Variants in SHISA9 observed in about 807,000 individuals in gnomAD.
The protein encoded by SHISA9 is shisa family member 9, also known as protein shisa-9.
A neutral mutation model predicts 38.0 loss-of-function variants in SHISA9; 13 were observed. That is an observed-to-expected ratio of 0.34 (90% CI 0.22 to 0.54). The LOEUF is 0.54. SHISA9 is among the 20% of genes least tolerant of loss of function. SHISA9 has a pLI of 0.91. For missense variants in SHISA9, 538 were observed against 575.8 expected, an observed-to-expected ratio of 0.93 and a Z score of 0.67; for synonymous variants, 275 against 242.0, an observed-to-expected ratio of 1.14 and a Z score of -1.27.
the SHISA9 span, among the ~76,000 whole-genome samples, chr16:13,552,952 G>A: frequency 4.9e-3 from 743 of 152,232 alleles, 10 homozygotes; most frequent in African/African-American, 0.017. Context: ...TCTTGGGCCA[G>A]ATAATCGTTT....
chr16:12,952,935 A>T (rs1268961565), intron 2 of SHISA9, among the ~76,000 whole-genome samples: 1 of 152,128 alleles, frequency 6.6e-6, no homozygotes, highest in Admixed American at 6.5e-5. Flanking sequence ...CTATGTACTG[A>T]GTGTGTTTTA....
At chr16:12,941,535 T>C (rs1348566238) in intron 2 of SHISA9, among the ~76,000 whole-genome samples, 1 of 152,176 alleles carries the variant, frequency 6.6e-6, no homozygotes, top group East Asian at 1.9e-4. Context: ...ACAATCCAAT[T>C]ATACTCCTTC....
chr16:13,220,635 A>G (rs947883265), intron 4 of SHISA9, among the ~76,000 whole-genome samples: 2 of 152,162 alleles, frequency 1.3e-5, no homozygotes, highest in African/African-American at 4.8e-5. Context: ...TGGGAGGATG[A>G]TTGGAAGACA....
chr16:13,431,100 C>T, the SHISA9 span, among the ~76,000 whole-genome samples: 1 of 152,158 alleles, frequency 6.6e-6, no homozygotes, highest in Non-Finnish European at 1.5e-5. Flanking sequence ...AGACCCATCT[C>T]AGATTACCCT....
At chr16:13,144,773 T>C (rs1282865474) in intron 2 of SHISA9, among the ~76,000 whole-genome samples, 1 of 152,136 alleles carries the variant, frequency 6.6e-6, no homozygotes, top group African/African-American at 2.4e-5. Flanking sequence ...AAGCCGCCAC[T>C]AAGTGGATTT....
chr16:13,164,310 C>G (rs1057210625), intron 2 of SHISA9, among the ~76,000 whole-genome samples: 1 of 151,962 alleles, frequency 6.6e-6, no homozygotes, highest in African/African-American at 2.4e-5. Context: ...AAGTGGTAAA[C>G]CAACCTTGGA....
intron 2 of SHISA9, among the ~76,000 whole-genome samples, chr16:12,963,017 C>T (rs1567354146): frequency 6.6e-6 from 1 of 152,326 alleles, no homozygotes; most frequent in East Asian, 1.9e-4. Context: ...CTGCCAAGCC[C>T]AGTCCTCCAG....
At chr16:13,229,398 G>T (rs2051309703) in intron 4 of SHISA9, among the ~76,000 whole-genome samples, 1 of 152,180 alleles carries the variant, frequency 6.6e-6, no homozygotes, top group African/African-American at 2.4e-5. Context: ...TCAGGGGAGA[G>T]GCAGCTGGGC....
At chr16:13,195,949 G>A (rs2050934192) in intron 2 of SHISA9, among the ~76,000 whole-genome samples, 1 of 151,798 alleles carries the variant, frequency 6.6e-6, no homozygotes, top group African/African-American at 2.4e-5. Context: ...TTAGCCAGGT[G>A]TGGTGGTGTG....
At chr16:12,931,446 C>G (rs976062840) in intron 2 of SHISA9, among the ~76,000 whole-genome samples, 1 of 152,120 alleles carries the variant, frequency 6.6e-6, no homozygotes, top group Non-Finnish European at 1.5e-5. Flanking sequence ...CTCCCTTTCT[C>G]GCCCTCTAGC....
the SHISA9 span, among the ~76,000 whole-genome samples, chr16:13,260,917 C>T: frequency 6.6e-6 from 1 of 152,166 alleles, no homozygotes; most frequent in African/African-American, 2.4e-5. Context: ...GCCTCAGAAT[C>T]ATGGCAGGAG....
chr16:13,469,836 TA>T, the SHISA9 span, among the ~76,000 whole-genome samples: 315 of 126,886 alleles, frequency 2.5e-3, 1 homozygote, highest in African/African-American at 9.1e-3. Flanking sequence ...TTAAGCACAG[TA>T]ATTAAGGGGA....
At chr16:13,248,563 T>G in the SHISA9 span, among the ~76,000 whole-genome samples, 2 of 152,220 alleles carry the variant, frequency 1.3e-5, no homozygotes, top group Non-Finnish European at 2.9e-5. Context: ...TTTTCTCATC[T>G]GTAGAGCAAG....
At chr16:13,024,234 G>A (rs572111351) in intron 2 of SHISA9, among the ~76,000 whole-genome samples, 1 of 152,366 alleles carries the variant, frequency 6.6e-6, no homozygotes, top group Non-Finnish European at 1.5e-5. Flanking sequence ...GATAAAGGAA[G>A]CATTTGCATG....
intron 2 of SHISA9, among the ~76,000 whole-genome samples, chr16:12,933,507 T>A (rs969210670): frequency 2.6e-5 from 4 of 152,178 alleles, no homozygotes; most frequent in African/African-American, 9.7e-5. Context: ...TTGGCCAGGC[T>A]GGTCTGGATT....
At chr16:13,400,367 C>CAA in the SHISA9 span, among the ~76,000 whole-genome samples, 1 of 46,136 alleles carries the variant, frequency 2.2e-5, no homozygotes, top group Non-Finnish European at 4.7e-5. Context: ...TGTTCCAACA[C>CAA]ACACACACAC....
At chr16:13,063,400 T>C (rs1472880619) in intron 2 of SHISA9, among the ~76,000 whole-genome samples, 1 of 152,088 alleles carries the variant, frequency 6.6e-6, no homozygotes, top group African/African-American at 2.4e-5. Flanking sequence ...ATCCATGTCC[T>C]ATAGTTAGGC....
the SHISA9 span, among the ~76,000 whole-genome samples, chr16:13,410,650 A>G: frequency 2.0e-5 from 3 of 152,236 alleles, no homozygotes; most frequent in Admixed American, 6.5e-5. Flanking sequence ...TGGAGAGCTA[A>G]GTTGGCTCTT....
intron 2 of SHISA9, among the ~76,000 whole-genome samples, chr16:13,198,427 TAC>T (rs1172388119): frequency 6.6e-6 from 1 of 152,210 alleles, no homozygotes; most frequent in African/African-American, 2.4e-5. Context: ...CATACATATA[TAC>T]ACACACGTAC....
Sources: gnomAD v4.1 joint callset for allele counts (sites outside exome capture counted in the v4.1 genomes callset) on GRCh38, gnomAD v4.1.1 for gene constraint, MANE v1.5 for transcripts, NCBI Gene and HGNC (gene_info 2026-07-23, HGNC 2026-07-21) for gene names.